Variants in UQCC1 observed in about 807,000 individuals in gnomAD.
UQCC1 encodes the protein bFGF-repressed Zic-binding protein.
A neutral mutation model predicts 48.0 loss-of-function variants in UQCC1; 38 were observed. That is an observed-to-expected ratio of 0.79 (90% CI 0.61 to 1.04). UQCC1 has a LOEUF of 1.04. Among genes scored for constraint, UQCC1 ranks in the 50% least tolerant of loss-of-function variants. The pLI, the probability that UQCC1 is intolerant of heterozygous loss-of-function variation, is 0.00. For synonymous variants in UQCC1, 111 were observed against 129.2 expected (o/e 0.86, Z 0.95); for missense variants, 368 against 381.8 (o/e 0.96, Z 0.30).
At chr20:35,388,180 C>A (rs1035449339) in intron 2 of UQCC1, among the ~76,000 whole-genome samples, 1 of 151,864 alleles carries the variant, frequency 6.6e-6, no homozygotes. Flanking sequence ...CAGGGTTTGA[C>A]CACATTGGCC....
At chr20:35,329,547 A>T (rs1044873112) in intron 7 of UQCC1, among the ~76,000 whole-genome samples, 1 of 152,160 alleles carries the variant, frequency 6.6e-6, no homozygotes, top group Non-Finnish European at 1.5e-5. Flanking sequence ...TTCACTCAGC[A>T]TTTTGGGGGA....
At chr20:35,358,950 T>A (rs1314323439) in intron 6 of UQCC1, among the ~76,000 whole-genome samples, 1 of 152,096 alleles carries the variant, frequency 6.6e-6, no homozygotes, top group Non-Finnish European at 1.5e-5. Context: ...GGCTCATACA[T>A]AATACTGATC....
chr20:35,314,349 G>C (rs111276735), intron 8 of UQCC1, among the ~76,000 whole-genome samples: 1 of 151,318 alleles, frequency 6.6e-6, no homozygotes, highest in Admixed American at 6.6e-5. Context: ...TGCTGTTTAC[G>C]TGAATATCCT....
At chr20:35,352,291 G>T (rs576538808) in intron 6 of UQCC1, among the ~76,000 whole-genome samples, 1 of 152,292 alleles carries the variant, frequency 6.6e-6, no homozygotes, top group South Asian at 2.1e-4. Context: ...GGGAGGACAG[G>T]GTATAGGATG....
chr20:35,400,001 C>T (rs1372287037), intron 1 of UQCC1, among the ~76,000 whole-genome samples: 3 of 148,048 alleles, frequency 2.0e-5, no homozygotes. Flanking sequence ...TCTCGGCTCA[C>T]CGCAACCTTC....
intron 7 of UQCC1, chr20:35,345,637 T>C (rs1247596920): frequency 3.3e-5 from 5 of 152,156 alleles, no homozygotes; most frequent in Non-Finnish European, 7.4e-5. Flanking sequence ...CTTTTCTCCT[T>C]CCTTGAAGGT....
chr20:35,378,839 T>C (rs1181846158), intron 4 of UQCC1, among the ~76,000 whole-genome samples: 1 of 152,228 alleles, frequency 6.6e-6, no homozygotes, highest in Admixed American at 6.5e-5. Flanking sequence ...CTGCTTCATA[T>C]AACATTCATT....
At chr20:35,374,300 G>A (rs1310008982) in intron 4 of UQCC1, 44 bp from the exon 5 acceptor site, 3 of 1,471,074 alleles carry the variant, frequency 2.0e-6, no homozygotes, top group Non-Finnish European at 2.8e-6. Context: ...TGACCAAGTG[G>A]ATGTTCTACT....
rs755921759 is a variant in UQCC1 at position 35,381,905 on chromosome 20, TA to T, written c.333+12del. 6.8e-7 allele frequency: 1 copy of T among 1,469,882 alleles called. No individual in the cohort carries two copies. The highest frequency in any genetic ancestry group is 1.4e-5 in the African/African-American group (1 of 70,674). 91.1% of individuals were successfully genotyped at this position (1,469,882 alleles called of 1,614,324 possible). ...CCCAAAAGGAAAAATGAGAAGAACT[TA>T]AAGGACTTTACCCATTTACTGTATT... On this transcript the variant is annotated intron_variant, in intron 4 of 9. Coordinates refer to ENST00000374385, the MANE Select transcript of UQCC1 (RefSeq NM_018244.5).
intron 6 of UQCC1, among the ~76,000 whole-genome samples, chr20:35,347,899 G>A (rs1421562827): frequency 6.6e-6 from 1 of 152,104 alleles, no homozygotes; most frequent in Non-Finnish European, 1.5e-5. Flanking sequence ...ATTAAAATTT[G>A]TTTCTTTTTA....
intron 7 of UQCC1, among the ~76,000 whole-genome samples, chr20:35,323,090 G>C (rs372785342): frequency 6.6e-6 from 1 of 151,976 alleles, no homozygotes; most frequent in Non-Finnish European, 1.5e-5. Flanking sequence ...CTTGTGATCC[G>C]CCTGCCTCAG....
At chr20:35,407,531 C>T (rs1225075035) in intron 1 of UQCC1, among the ~76,000 whole-genome samples, 1 of 152,034 alleles carries the variant, frequency 6.6e-6, no homozygotes, top group East Asian at 1.9e-4. Flanking sequence ...GAAACAGCAA[C>T]CCATAGGATA....
At position 35,338,184 on chromosome 20, in the gene UQCC1, T is replaced by C. The variant is rs368168270; in HGVS notation, c.573+8980A>G. 8.5e-5 allele frequency among the ~76,000 whole-genome samples: 13 copies of C among 152,276 alleles called. No homozygotes were observed. The South Asian group carries it at 2.5e-3, about 29-fold the overall frequency. On this transcript the variant is annotated intron_variant, in intron 7 of 9. Transcript: ENST00000374385. Reference sequence around the variant, plus strand: ...ATTCTCATGTCTTTTTTTTCCCCCTTAATCTCTATTAGTCCTGTTGAGTAG... The same window carrying C: ...ATTCTCATGTCTTTTTTTTCCCCCTCAATCTCTATTAGTCCTGTTGAGTAG...
chr20:35,348,947 G>T (rs2146393677), intron 6 of UQCC1, among the ~76,000 whole-genome samples: 1 of 152,270 alleles, frequency 6.6e-6, no homozygotes, highest in African/African-American at 2.4e-5. Context: ...GAGGCACCAT[G>T]CCTGGCAGAC....
At chr20:35,326,617 G>A (rs867042753) in intron 7 of UQCC1, among the ~76,000 whole-genome samples, 2 of 152,050 alleles carry the variant, frequency 1.3e-5, no homozygotes, top group African/African-American at 2.4e-5. Flanking sequence ...TCATTACTCC[G>A]GGCCCTCTGC....
chr20:35,371,921 T>C (rs1250878056), intron 5 of UQCC1, among the ~76,000 whole-genome samples: 2 of 150,594 alleles, frequency 1.3e-5, no homozygotes, highest in East Asian at 3.9e-4. Context: ...GAGGCTGAGG[T>C]GGGAGGGTTG....
intron 1 of UQCC1, among the ~76,000 whole-genome samples, chr20:35,406,297 G>C (rs2062249741): frequency 6.6e-6 from 1 of 152,134 alleles, no homozygotes; most frequent in African/African-American, 2.4e-5. Flanking sequence ...AACACAAAGA[G>C]AGCCACAGAC....
At chr20:35,379,774 C>T (rs1325410248) in intron 4 of UQCC1, among the ~76,000 whole-genome samples, 1 of 151,854 alleles carries the variant, frequency 6.6e-6, no homozygotes, top group Non-Finnish European at 1.5e-5. Flanking sequence ...CTACTGTACT[C>T]CAGCCTGGGT....
chr20:35,312,891 AG>A (rs2061009710), intron 8 of UQCC1, among the ~76,000 whole-genome samples: 1 of 152,144 alleles, frequency 6.6e-6, no homozygotes, highest in South Asian at 2.1e-4. Flanking sequence ...GGTGGTTGCT[AG>A]GGGATATGAG....
Sources: gnomAD v4.1 joint callset for allele counts (sites outside exome capture counted in the v4.1 genomes callset) on GRCh38, gnomAD v4.1.1 for gene constraint, MANE v1.5 for transcripts, NCBI Gene and HGNC (gene_info 2026-07-23, HGNC 2026-07-21) for gene names.